C7: variants seen among roughly 807,000 people sequenced by gnomAD.
C7 encodes complement component C7.
A neutral mutation model predicts 104.8 loss-of-function variants in C7; 83 were observed. That is an observed-to-expected ratio of 0.79 (90% CI 0.66 to 0.95). C7 has a LOEUF of 0.95. Among genes scored for constraint, C7 ranks in the 40% least tolerant of loss-of-function variants. C7 has a pLI of 0.00. For missense variants in C7, 1,070 were observed against 1,011.2 expected (o/e 1.06, Z -0.79); for synonymous variants, 415 against 360.6 (o/e 1.15, Z -1.71).
At position 40,981,264 on chromosome 5, in the gene C7, A is replaced by G. The variant is rs1579882342; in HGVS notation, c.2351-128A>G. 3.3e-6 allele frequency: 3 copies of G among 895,930 alleles called. No individual in the cohort carries two copies. In the East Asian group the frequency reaches 8.1e-5, roughly 24 times the overall value. 55.5% of individuals were successfully genotyped at this position (895,930 alleles called of 1,614,324 possible). On this transcript the variant is annotated intron_variant, in intron 17 of 17. Transcript: ENST00000313164. ...GGTCCTACTGCTTTTCCAGGGGATA[A>G]TTTATTATGTCATTCCAGGCAGGAG... is the stretch of plus-strand genomic sequence containing the variant.
intron 11 of C7, 43 bp from the exon 12 acceptor site, chr5:40,959,406 C>A (rs1253964293): frequency 1.9e-6 from 3 of 1,561,028 alleles, no homozygotes; most frequent in South Asian, 1.2e-5. Context: ...GTTCCCAAGC[C>A]CTCTTTAAGA....
rs1739817198 is a variant in C7 at position 40,936,417 on chromosome 5, G to A, written c.360G>A (p.Glu120=). The change falls in exon 5 of 18, where the codon GAG becomes GAA. Residue 120 remains glutamate (E), a synonymous_variant. Transcript: ENST00000313164. ...DEDSADEDRC[E]DSERRPSCDI... Reference sequence around the variant, plus strand: ...ACAGTGCTGATGAAGACAGATGTGAGGACTCAGAAAGGAGACCTTCCTGTG... The same window carrying A: ...ACAGTGCTGATGAAGACAGATGTGAAGACTCAGAAAGGAGACCTTCCTGTG... The A allele has an allele frequency of 6.2e-7, 1 of 1,613,190 alleles. No homozygotes were observed. Among genetic ancestry groups the A allele is most frequent in the East Asian group, 2.2e-5 (1 of 44,868 alleles).
chr5:40,964,928 T>C (rs1732160679), intron 14 of C7, 55 bp downstream of exon 14: 1 of 1,589,168 alleles, frequency 6.3e-7, no homozygotes. Context: ...TGGAAGAGAA[T>C]GAATCAAGAT....
chr5:40,961,326 G>A lies in C7; in HGVS notation c.1662-759G>A, dbSNP rs564908428. 3.9e-5 allele frequency among the ~76,000 whole-genome samples: 6 copies of A among 152,198 alleles called. No homozygotes were observed. In the East Asian group the frequency reaches 9.7e-4, roughly 25 times the overall value. ...GTGCCTGACACATAGTAAATGCTTAGTAAAAGGTAGTTATAATTTTGTGTT... is the reference window on the plus strand; with the variant it reads ...GTGCCTGACACATAGTAAATGCTTAATAAAAGGTAGTTATAATTTTGTGTT... On this transcript the variant is annotated intron_variant, in intron 12 of 17. Transcript: ENST00000313164.
rs143647948 is a variant in C7 at position 40,944,461 on chromosome 5, T to G, written c.568-737T>G. Among the ~76,000 whole-genome samples, 1,125 of 152,296 alleles carry G rather than the reference T, an allele frequency of 7.4e-3. 12 individuals are homozygous for G. The highest frequency in any genetic ancestry group is 0.024 in the African/African-American group (1,011 of 41,574). On this transcript the variant is annotated intron_variant, in intron 6 of 17. Coordinates refer to ENST00000313164, the MANE Select transcript of C7 (RefSeq NM_000587.4). ...GTGTGTCCCTTTTAGACAGGGTACG[T>G]GTTCACTTTTTCATCACCATGCTGT...
intron 1 of C7, among the ~76,000 whole-genome samples, chr5:40,912,206 A>G (rs1247811145): frequency 6.6e-6 from 1 of 152,154 alleles, no homozygotes; most frequent in African/African-American, 2.4e-5. Context: ...GCCAAATTTC[A>G]AGAAATGCTT....
Position 40,922,416 on chromosome 5 carries a change from C to T in C7, c.7-6164C>T, listed in dbSNP as rs529005736. On this transcript the variant is annotated intron_variant, in intron 1 of 17. Coordinates refer to ENST00000313164, the MANE Select transcript of C7 (RefSeq NM_000587.4). ...AAAAAAAAAAAGAAGAACATACACT[C>T]GGGGCTTGGGCGCAGTGGCTCAGAG... Among the ~76,000 whole-genome samples the T allele has an allele frequency of 2.6e-3, 343 of 129,976 alleles. 1 individual carries two copies. The highest frequency in any genetic ancestry group is 5.9e-3 in the African/African-American group (197 of 33,650). 85.3% of individuals were successfully genotyped at this position (129,976 alleles called of 152,430 possible).
chr5:40,922,170 T>C (rs1365177911), intron 1 of C7, among the ~76,000 whole-genome samples: 1 of 144,564 alleles, frequency 6.9e-6, no homozygotes, highest in Non-Finnish European at 1.5e-5. Flanking sequence ...AGGTCAGGAG[T>C]TCAAGACCAG....
At chr5:40,966,583 T>G (rs567609330) in intron 14 of C7, among the ~76,000 whole-genome samples, 9 of 152,080 alleles carry the variant, frequency 5.9e-5, no homozygotes, top group African/African-American at 1.7e-4. Context: ...TTCACTCTGT[T>G]GGCCAGGATG....
At position 40,929,214 on chromosome 5, in the gene C7, G is replaced by T. The variant is rs1034968656; in HGVS notation, c.62+579G>T. Among the ~76,000 whole-genome samples, 10 of 152,180 alleles carry T rather than the reference G, an allele frequency of 6.6e-5. 2 individuals carry two copies. The South Asian group carries it at 2.1e-3, about 32-fold the overall frequency. ...GCAAGAAGGCACTGGGAGCATGCTGGGTGATTCGTATCTTGAGCCAGTTCA... is the reference window on the plus strand; with the variant it reads ...GCAAGAAGGCACTGGGAGCATGCTGTGTGATTCGTATCTTGAGCCAGTTCA... On this transcript the variant is annotated intron_variant, in intron 2 of 17. Coordinates refer to ENST00000313164, the MANE Select transcript of C7 (RefSeq NM_000587.4).
At position 40,979,815 on chromosome 5, in the gene C7, T is replaced by C; in HGVS notation, c.2256T>C (p.Gly752=). Reference sequence around the variant, plus strand: ...AGATGCATGTTCTCCACTGTCAGGGTAGAAATTACACCCTTACTGGTAGGG... The same window carrying C: ...AGATGCATGTTCTCCACTGTCAGGGCAGAAATTACACCCTTACTGGTAGGG... The part of the protein sequence containing the change: ...VCKMHVLHCQ[G]RNYTLTGRDS... Residue 752 remains glycine (G), a synonymous_variant, in exon 17 of 18, where the codon GGT becomes GGC. Coordinates refer to ENST00000313164, the MANE Select transcript of C7 (RefSeq NM_000587.4). 6.2e-7 allele frequency: 1 copy of C among 1,613,700 alleles called. No individual in the cohort carries two copies. The highest frequency in any genetic ancestry group is 8.5e-7 in the Non-Finnish European group (1 of 1,179,666).
chr5:40,917,977 G>A (rs1739355028), intron 1 of C7, among the ~76,000 whole-genome samples: 1 of 152,144 alleles, frequency 6.6e-6, no homozygotes, highest in Non-Finnish European at 1.5e-5. Flanking sequence ...GCAAAGTTAA[G>A]TTGTAATCAC....
chr5:40,958,537 G>C lies in C7; in HGVS notation c.1489+276G>C, dbSNP rs114902236. 8.7e-3 allele frequency among the ~76,000 whole-genome samples: 1,319 copies of C among 152,260 alleles called. 20 individuals carry two copies. Among genetic ancestry groups the C allele is most frequent in the African/African-American group, 0.031 (1,274 of 41,538 alleles). On this transcript the variant is annotated intron_variant, in intron 11 of 17. Transcript: ENST00000313164. ...TATGATTAAAACACCTTCATCCTCT[G>C]TAATTACCTCAATAAGGTTTTGCTG... is the stretch of plus-strand genomic sequence containing the variant.
chr5:40,976,907 A>G, intron 16 of C7, 67 bp downstream of exon 16: 1 of 1,247,052 alleles, frequency 8.0e-7, no homozygotes, highest in Non-Finnish European at 1.1e-6. Flanking sequence ...TTCTTAGATA[A>G]TAGTGTCTGT....
intron 1 of C7, among the ~76,000 whole-genome samples, chr5:40,913,975 G>A (rs944849842): frequency 6.6e-6 from 1 of 152,028 alleles, no homozygotes; most frequent in Non-Finnish European, 1.5e-5. Context: ...CACTGCGTCC[G>A]ACCGCCCCAA....
chr5:40,909,726 C>A, intron 1 of C7, 110 bp downstream of exon 1: 2 of 665,898 alleles, frequency 3.0e-6, no homozygotes, highest in Non-Finnish European at 4.7e-6. Context: ...TGAAAGACAT[C>A]AAATAAATAG....
chr5:40,925,968 A>T (rs533512638), intron 1 of C7, among the ~76,000 whole-genome samples: 2 of 152,350 alleles, frequency 1.3e-5, no homozygotes, highest in Non-Finnish European at 2.9e-5. Flanking sequence ...AAAGAAAACT[A>T]CATGCCAACA....
chr5:40,964,973 T>C (rs535443373), intron 14 of C7, 100 bp downstream of exon 14: 1 of 1,345,068 alleles, frequency 7.4e-7, no homozygotes, highest in African/African-American at 1.5e-5. Context: ...TGTGTTGGCC[T>C]TCCTTTCCTG....
chr5:40,964,932 T>A, intron 14 of C7, 59 bp downstream of exon 14: 4 of 1,565,170 alleles, frequency 2.6e-6, no homozygotes, highest in Non-Finnish European at 3.5e-6. Flanking sequence ...AGAGAATGAA[T>A]CAAGATAAAT....
Sources: allele counts gnomAD v4.1 joint callset (sites outside exome capture counted in the v4.1 genomes callset), GRCh38; gene constraint gnomAD v4.1.1; transcripts MANE v1.5; gene names NCBI Gene and HGNC (gene_info 2026-07-23, HGNC 2026-07-21).